The following PPFIBP1 variants were observed in gnomAD, a reference collection of about 807,000 sequenced individuals.
The protein encoded by PPFIBP1 is liprin-beta-1.
PPFIBP1 carries 112 observed loss-of-function variants against 137.8 expected under a neutral mutation model. That is an observed-to-expected ratio of 0.81 (90% CI 0.70 to 0.95). The LOEUF (loss-of-function observed/expected upper bound fraction) is 0.95. Ranked by LOEUF, PPFIBP1 falls within the 40% of genes least tolerant of loss-of-function variation. The pLI, the probability that PPFIBP1 is intolerant of heterozygous loss-of-function variation, is 0.00. For missense variants in PPFIBP1, 1,083 were observed against 1,196.6 expected (o/e 0.91, Z 1.40); for synonymous variants, 378 against 417.3 (o/e 0.91, Z 1.15).
chr12:27,685,254 T>A (rs143605428), intron 24 of PPFIBP1, among the ~76,000 whole-genome samples: 1 of 151,208 alleles, frequency 6.6e-6, no homozygotes, highest in East Asian at 1.9e-4. Flanking sequence ...CATATATGCA[T>A]GTTTGTATAT....
chr12:27,655,381 G>A (rs942427737), intron 8 of PPFIBP1: 5 of 542,368 alleles, frequency 9.2e-6, no homozygotes, highest in Non-Finnish European at 1.6e-5. Context: ...CTGATTGAAG[G>A]GACAATGGGA....
At chr12:27,662,871 G>A (rs1232990754) in intron 11 of PPFIBP1, among the ~76,000 whole-genome samples, 2 of 152,232 alleles carry the variant, frequency 1.3e-5, no homozygotes, top group Non-Finnish European at 2.9e-5. Context: ...TTGTAGATTG[G>A]TGGGGACTAA....
At chr12:27,633,276 A>G in intron 2 of PPFIBP1, 86 bp from the exon 3 acceptor site, 1 of 885,932 alleles carries the variant, frequency 1.1e-6, no homozygotes, top group Non-Finnish European at 1.8e-6. Context: ...ACTACACAGC[A>G]GAGTTATCAT....
At chr12:27,654,697 T>C in intron 7 of PPFIBP1, 25 bp from the exon 8 acceptor site, 4 of 1,603,784 alleles carry the variant, frequency 2.5e-6, no homozygotes, top group Non-Finnish European at 3.4e-6. Context: ...TTTCCTAATG[T>C]ACTTTCTTGT....
rs765092092 is a variant in PPFIBP1 at position 27,633,316 on chromosome 12, G to A, written c.-35-46G>A. On this transcript the variant is annotated intron_variant, in intron 2 of 29. Coordinates refer to ENST00000228425, the MANE Select transcript of PPFIBP1 (RefSeq NM_003622.4). ...AGGTGAATTAGAAACCCACTAGCAA[G>A]CCTATGTCATTTAATGGATGTAATG... 5 of 1,311,306 alleles carry A rather than the reference G, an allele frequency of 3.8e-6. No homozygotes were observed. In the Admixed American group the frequency reaches 8.6e-5, roughly 22 times the overall value. The allele number at this position is 1,311,306 out of a possible 1,614,324, so 81.2% of individuals were successfully genotyped here.
intron 14 of PPFIBP1, 22 bp downstream of exon 14, chr12:27,671,568 C>A: frequency 2.1e-6 from 3 of 1,407,524 alleles, no homozygotes; most frequent in South Asian, 1.3e-5. Flanking sequence ...ATTAACAGTG[C>A]AATATAAATG....
chr12:27,641,951 A>AAATC (rs1332318562), intron 4 of PPFIBP1, among the ~76,000 whole-genome samples: 1 of 69,136 alleles, frequency 1.4e-5, no homozygotes, highest in Non-Finnish European at 2.6e-5. Context: ...CTGCAAAAAT[A>AAATC]AATAAATAAA....
At chr12:27,540,273 G>T (rs1235067670) in intron 1 of PPFIBP1, among the ~76,000 whole-genome samples, 7 of 151,484 alleles carry the variant, frequency 4.6e-5, no homozygotes, top group Admixed American at 4.6e-4. Flanking sequence ...TAGTACTGAG[G>T]TTGAGAAACG....
chr12:27,652,365 G>A (rs1367537174), intron 7 of PPFIBP1, among the ~76,000 whole-genome samples: 1 of 152,176 alleles, frequency 6.6e-6, no homozygotes, highest in Non-Finnish European at 1.5e-5. Flanking sequence ...CTTGTGGTAA[G>A]AGCATACATG....
At chr12:27,645,656 A>G (rs1386348697) in intron 4 of PPFIBP1, among the ~76,000 whole-genome samples, 1 of 152,224 alleles carries the variant, frequency 6.6e-6, no homozygotes, top group Non-Finnish European at 1.5e-5. Context: ...AGTCTGCGCT[A>G]CCAGGGGAAG....
At chr12:27,593,635 G>T in intron 2 of PPFIBP1, 1 of 484,846 alleles carries the variant, frequency 2.1e-6, no homozygotes, top group Non-Finnish European at 3.8e-6. Flanking sequence ...TGAAACTCTT[G>T]CACAAGATTA....
chr12:27,691,147 G>A (rs1287941136), intron 27 of PPFIBP1, among the ~76,000 whole-genome samples: 1 of 148,068 alleles, frequency 6.8e-6, no homozygotes, highest in Non-Finnish European at 1.5e-5. Flanking sequence ...AGCAGAATAG[G>A]CATACAAGAT....
At chr12:27,599,878 A>C (rs1470196801) in intron 2 of PPFIBP1, among the ~76,000 whole-genome samples, 1 of 152,232 alleles carries the variant, frequency 6.6e-6, no homozygotes, top group East Asian at 1.9e-4. Flanking sequence ...AGACTACAAG[A>C]GACTAAGGAG....
chr12:27,555,289 TG>T (rs2048622365), intron 1 of PPFIBP1, among the ~76,000 whole-genome samples: 1 of 152,252 alleles, frequency 6.6e-6, no homozygotes, highest in African/African-American at 2.4e-5. Context: ...AGGCACTCTT[TG>T]CTGTGGCATA....
At chr12:27,665,222 G>A (rs1012129105) in intron 12 of PPFIBP1, among the ~76,000 whole-genome samples, 5 of 152,216 alleles carry the variant, frequency 3.3e-5, no homozygotes, top group Middle Eastern at 3.4e-3. Flanking sequence ...TTTGTAACAC[G>A]TGGGCCATGG....
At chr12:27,630,791 G>A (rs1218852366) in intron 2 of PPFIBP1, among the ~76,000 whole-genome samples, 1 of 152,006 alleles carries the variant, frequency 6.6e-6, no homozygotes, top group Non-Finnish European at 1.5e-5. Context: ...CTGAGTCTCT[G>A]CTGTTATATA....
intron 6 of PPFIBP1, among the ~76,000 whole-genome samples, chr12:27,649,542 T>C (rs1302081699): frequency 1.3e-5 from 2 of 152,178 alleles, no homozygotes; most frequent in Admixed American, 6.5e-5. Context: ...TGAATAGTTC[T>C]TTTTTATTTT....
intron 1 of PPFIBP1, among the ~76,000 whole-genome samples, chr12:27,527,237 CTCTG>C (rs1250764322): frequency 6.6e-6 from 1 of 152,028 alleles, no homozygotes; most frequent in Non-Finnish European, 1.5e-5. Context: ...TCATTCAGCA[CTCTG>C]TCTTTTCTTT....
chr12:27,562,928 A>G (rs1316560937), intron 1 of PPFIBP1, among the ~76,000 whole-genome samples: 1 of 152,038 alleles, frequency 6.6e-6, no homozygotes, highest in Non-Finnish European at 1.5e-5. Context: ...TTGAATCTCT[A>G]TTTTTTAACC....
Sources: gnomAD v4.1 joint callset for allele counts (sites outside exome capture counted in the v4.1 genomes callset) on GRCh38, gnomAD v4.1.1 for gene constraint, MANE v1.5 for transcripts, NCBI Gene and HGNC (gene_info 2026-07-23, HGNC 2026-07-21) for gene names.